Variants in PCDHGA3 observed in about 807,000 individuals in gnomAD.
PCDHGA3 encodes protocadherin gamma subfamily A, 3, also known as protocadherin gamma-A3.
A neutral mutation model predicts 58.5 loss-of-function variants in PCDHGA3; 40 were observed. That is an observed-to-expected ratio of 0.68 (90% CI 0.53 to 0.89). The LOEUF (loss-of-function observed/expected upper bound fraction) is 0.89. PCDHGA3 is among the 40% of genes least tolerant of loss of function. PCDHGA3 has a pLI of 0.00. For synonymous variants in PCDHGA3, 530 were observed against 525.7 expected (o/e 1.01, Z -0.11); for missense variants, 1,223 against 1,195.9 (o/e 1.02, Z -0.33).
chr5:141,369,246 A>G (rs1035336537), intron 1 of PCDHGA3, among the ~76,000 whole-genome samples: 3 of 152,210 alleles, frequency 2.0e-5, no homozygotes, highest in Non-Finnish European at 4.4e-5. Flanking sequence ...TTATATAATT[A>G]AATAATATAA....
intron 1 of PCDHGA3, chr5:141,411,352 C>T (rs1002274073): frequency 2.6e-5 from 4 of 152,176 alleles, no homozygotes; most frequent in African/African-American, 9.7e-5. Flanking sequence ...GAAAGTATCA[C>T]TTGAGCCCAA....
chr5:141,352,511 T>G, intron 1 of PCDHGA3: 1 of 1,614,054 alleles, frequency 6.2e-7, no homozygotes. Flanking sequence ...CTACAATCTA[T>G]GTATTGCCTC....
chr5:141,433,056 G>C, intron 1 of PCDHGA3: 10 of 1,614,204 alleles, frequency 6.2e-6, no homozygotes, highest in Non-Finnish European at 8.5e-6. Context: ...TCGCGGAAGA[G>C]TCACCTGATC....
At chr5:141,411,394 A>AC (rs958605809) in intron 1 of PCDHGA3, 4 of 151,570 alleles carry the variant, frequency 2.6e-5, no homozygotes, top group South Asian at 2.1e-4. Context: ...ATATAGGGAG[A>AC]CCCCCCATCT....
chr5:141,428,492 A>C (rs2097142759), intron 1 of PCDHGA3: 1 of 307,660 alleles, frequency 3.3e-6, no homozygotes. Flanking sequence ...TGCAATCTGT[A>C]TGTTCCCTCG....
In PCDHGA3 at chr5:141,490,211, ACCAGGGACAG is replaced by A. The variant is rs1259297201; in HGVS notation, c.2425-4593_2425-4584del. 1 of 1,614,212 alleles carries A rather than the reference ACCAGGGACAG, an allele frequency of 6.2e-7. No individual in the cohort carries two copies. ...TATGAAATTCATGCAAGAGCCCGTG[ACCAGGGACAG>A]CCTGCCATGGAGGGCCACTGTGTGA... is the stretch of plus-strand genomic sequence containing the variant. On this transcript the variant is annotated intron_variant, in intron 1 of 3. Transcript: ENST00000253812. The surrounding 1 kb of genome is among the most constrained non-coding windows in gnomAD (Gnocchi z 5.4).
Position 141,491,364 on chromosome 5 carries a change from C to T in PCDHGA3, c.2425-3443C>T. 1 of 1,614,164 alleles carries T rather than the reference C, an allele frequency of 6.2e-7. No homozygotes were observed. The highest frequency in any genetic ancestry group is 8.5e-7 in the Non-Finnish European group (1 of 1,180,000). On this transcript the variant is annotated intron_variant, in intron 1 of 3. Coordinates refer to ENST00000253812, the MANE Select transcript of PCDHGA3 (RefSeq NM_018916.4). This position sits in a 1 kb window ranked among gnomAD's most constrained non-coding sequence, Gnocchi z 6.9. The stretch of plus-strand genomic sequence containing the variant: ...CCGTCAGTCTCTTATCCCTAGTCAC[C>T]TTCACCTTTCTGTCAGCGAAGTGCC...
chr5:141,483,432 ACT>A (rs2099581241), intron 1 of PCDHGA3, among the ~76,000 whole-genome samples: 1 of 152,200 alleles, frequency 6.6e-6, no homozygotes, highest in African/African-American at 2.4e-5. Flanking sequence ...GAGGGAGCTG[ACT>A]ACAATAAAAT....
At chr5:141,350,653 T>C (rs1758530923) in intron 1 of PCDHGA3, 13 of 1,614,034 alleles carry the variant, frequency 8.1e-6, no homozygotes, top group Non-Finnish European at 1.1e-5. Context: ...CACGTTTCGT[T>C]GCAAAAGGCA....
rs746906389 is a variant in PCDHGA3 at position 141,384,782 on chromosome 5, C to T, written c.2424+38325C>T. The T allele has an allele frequency of 5.0e-6, 8 of 1,613,640 alleles. No individual in the cohort carries two copies. The highest frequency in any genetic ancestry group is 5.9e-6 in the Non-Finnish European group (7 of 1,179,944). On this transcript the variant is annotated intron_variant, in intron 1 of 3. Transcript: ENST00000253812. The stretch of plus-strand genomic sequence containing the variant: ...GGGCTGTACACGGGCGAGGTGCGCA[C>T]GGCTCGGGCCCTGCTGGACAGAGAT...
chr5:141,407,317 T>G (rs1268885358), intron 1 of PCDHGA3, among the ~76,000 whole-genome samples: 1 of 152,198 alleles, frequency 6.6e-6, no homozygotes, highest in Non-Finnish European at 1.5e-5. Flanking sequence ...TCATACTTAG[T>G]ATTTATAAAT....
intron 1 of PCDHGA3, chr5:141,413,430 C>T (rs745782366): frequency 6.2e-7 from 1 of 1,614,078 alleles, no homozygotes; most frequent in Admixed American, 1.7e-5. Context: ...ACCCGCGCAG[C>T]GGCAGCTTGA....
At chr5:141,415,754 T>TTG in intron 1 of PCDHGA3, 4 of 1,385,736 alleles carry the variant, frequency 2.9e-6, no homozygotes, top group South Asian at 1.7e-5. Flanking sequence ...TTTTTTTTTT[T>TTG]TTTTTTTTTT....
At position 141,345,360 on chromosome 5, in the gene PCDHGA3, A is replaced by G; in HGVS notation, c.1327A>G (p.Ile443Val). 1 of 1,614,062 alleles carries G rather than the reference A, an allele frequency of 6.2e-7. No individual in the cohort carries two copies. The highest frequency in any genetic ancestry group is 8.5e-7 in the Non-Finnish European group (1 of 1,179,994). Residue 443 changes from isoleucine (I) to valine (V), a missense_variant, in exon 1 of 4, where the codon ATT (isoleucine) becomes GTT (valine). Around this residue, in one of 3 missense-constraint regions of PCDHGA3, gnomAD observed 791 missense variants for 708.5 expected, o/e 1.12. Coordinates refer to ENST00000253812, the MANE Select transcript of PCDHGA3 (RefSeq NM_018916.4). ...STETHITLHV[I>V]DINDNPPTFP... ...AGAAACTCACATCACCCTGCATGTGATTGACATCAATGACAACCCACCCAC... is the reference window on the plus strand; with the variant it reads ...AGAAACTCACATCACCCTGCATGTGGTTGACATCAATGACAACCCACCCAC...
chr5:141,405,225 C>T (rs2154536264), intron 1 of PCDHGA3: 4 of 1,614,082 alleles, frequency 2.5e-6, no homozygotes, highest in Non-Finnish European at 1.7e-6. Context: ...CAGGAGTTCT[C>T]CCTCACCGCT....
intron 1 of PCDHGA3, chr5:141,389,990 C>A (rs2091998485): frequency 6.2e-7 from 1 of 1,613,926 alleles, no homozygotes; most frequent in African/African-American, 1.3e-5. Flanking sequence ...TGCTCTTCCT[C>A]GTGGCCATGA....
In PCDHGA3 at chr5:141,345,056, T is replaced by G. The variant is rs768057546; in HGVS notation, c.1023T>G (p.Asn341Lys). The G allele has an allele frequency of 1.2e-5, 20 of 1,613,954 alleles. No homozygotes were observed. The highest frequency in any genetic ancestry group is 6.7e-5 in the Admixed American group (4 of 60,010). The change falls in exon 1 of 4, where the codon AAT (asparagine) becomes AAG (lysine). Residue 341 changes from asparagine (N) to lysine (K), a missense_variant. This residue lies in a region of PCDHGA3 where 791 missense variants were observed against 708.5 expected (regional missense o/e 1.12). Transcript: ENST00000253812. Reference sequence around the variant, plus strand: ...TTCTAGTCACGGTTCTGGATGTGAATGACAATGCTCCAGAAATTACAATCA... The same window carrying G: ...TTCTAGTCACGGTTCTGGATGTGAAGGACAATGCTCCAGAAATTACAATCA... ...AKILVTVLDV[N>K]DNAPEITITS...
In PCDHGA3 at chr5:141,410,525, T is replaced by G. The variant is rs6891442; in HGVS notation, c.2424+64068T>G. The G allele has an allele frequency of 1.9e-3, 3,112 of 1,613,920 alleles. 62 individuals are homozygous for G. In the African/African-American group the frequency reaches 0.034, roughly 18 times the overall value. On this transcript the variant is annotated intron_variant, in intron 1 of 3. Transcript: ENST00000253812. ...CCTAAAATGCAGTGTGCCCCTACAT[T>G]CCAATGAAGACATGGTTTGCAGTGT...
At chr5:141,482,561 T>C (rs1411268228) in intron 1 of PCDHGA3, among the ~76,000 whole-genome samples, 3 of 136,978 alleles carry the variant, frequency 2.2e-5, no homozygotes, top group African/African-American at 8.6e-5. Flanking sequence ...ATAATGGAGA[T>C]CTGCATAGCA....
Sources: gnomAD v4.1 joint callset for allele counts (sites outside exome capture counted in the v4.1 genomes callset) on GRCh38, gnomAD v4.1.1 for gene constraint, gnomAD v4.1.1 regional missense constraint, Gnocchi (gnomAD v3.1) non-coding constraint, MANE v1.5 for transcripts, NCBI Gene and HGNC (gene_info 2026-07-23, HGNC 2026-07-21) for gene names.